VAV3: variants seen among roughly 807,000 people sequenced by gnomAD.
VAV3 encodes the protein guanine nucleotide exchange factor VAV3.
VAV3 carries 94 observed loss-of-function variants against 131.2 expected under a neutral mutation model. The observed-to-expected ratio is 0.72, with a 90% CI of 0.61 to 0.85. VAV3 has a LOEUF of 0.85. Among genes scored for constraint, VAV3 ranks in the 40% least tolerant of loss-of-function variants. The pLI, the probability that VAV3 is intolerant of heterozygous loss-of-function variation, is 0.00. For synonymous variants in VAV3, 349 were observed against 342.0 expected (o/e 1.02, Z -0.22); for missense variants, 939 against 1,002.7 (o/e 0.94, Z 0.86).
chr1:107,701,061 GC>G (rs899964051), intron 17 of VAV3, among the ~76,000 whole-genome samples: 13 of 101,936 alleles, frequency 1.3e-4, no homozygotes, highest in African/African-American at 3.8e-4. Flanking sequence ...GTCATGTTGA[GC>G]TTTTTTTTTC....
intron 1 of VAV3, among the ~76,000 whole-genome samples, chr1:107,934,162 G>C (rs1172786885): frequency 6.6e-6 from 1 of 152,116 alleles, no homozygotes; most frequent in Non-Finnish European, 1.5e-5. Flanking sequence ...AGAACTCTAT[G>C]GTTTATTCTT....
At chr1:107,695,496 T>C (rs906607326) in intron 17 of VAV3, among the ~76,000 whole-genome samples, 9 of 152,064 alleles carry the variant, frequency 5.9e-5, no homozygotes, top group Non-Finnish European at 8.8e-5. Flanking sequence ...ATGTGAGTGT[T>C]TGGATGGTGG....
intron 2 of VAV3, among the ~76,000 whole-genome samples, chr1:107,820,214 C>A (rs1423140928): frequency 6.6e-6 from 1 of 152,106 alleles, no homozygotes; most frequent in African/African-American, 2.4e-5. Context: ...ACCTAAATGT[C>A]CATCAGCAGA....
At chr1:107,898,650 C>T (rs569570862) in intron 1 of VAV3, among the ~76,000 whole-genome samples, 1 of 152,246 alleles carries the variant, frequency 6.6e-6, no homozygotes, top group South Asian at 2.1e-4. Flanking sequence ...TGTTTTATTA[C>T]ACTTAATGAC....
chr1:107,849,491 T>C (rs993411378), intron 2 of VAV3, among the ~76,000 whole-genome samples: 2 of 152,126 alleles, frequency 1.3e-5, no homozygotes, highest in Non-Finnish European at 2.9e-5. Context: ...GGATTCCCTA[T>C]TTAATAAATG....
chr1:107,841,326 A>T lies in VAV3; in HGVS notation c.321+33575T>A, dbSNP rs538083367. Among the ~76,000 whole-genome samples, 15 of 152,290 alleles carry T rather than the reference A, an allele frequency of 9.8e-5. No homozygotes were observed. The East Asian group carries it at 2.9e-3, about 29-fold the overall frequency. ...AAAAAGAAACAATTTTAAAAGTATA[A>T]ATGGTATATCAGCTGTAATAAGAAA... is the stretch of plus-strand genomic sequence containing the variant. On this transcript the variant is annotated intron_variant, in intron 2 of 26. Coordinates refer to ENST00000370056, the MANE Select transcript of VAV3 (RefSeq NM_006113.5).
At chr1:107,845,634 C>T (rs537143431) in intron 2 of VAV3, among the ~76,000 whole-genome samples, 3 of 151,914 alleles carry the variant, frequency 2.0e-5, no homozygotes, top group South Asian at 2.1e-4. Context: ...AAACACAGCA[C>T]GAGAACTTCA....
At chr1:107,819,144 AC>A (rs1667684559) in intron 2 of VAV3, among the ~76,000 whole-genome samples, 1 of 152,174 alleles carries the variant, frequency 6.6e-6, no homozygotes. Flanking sequence ...CCTCCAGGAA[AC>A]CAAGTATTTT....
chr1:107,699,387 T>C (rs1659949740), intron 17 of VAV3, among the ~76,000 whole-genome samples: 1 of 152,224 alleles, frequency 6.6e-6, no homozygotes, highest in Non-Finnish European at 1.5e-5. Context: ...GCACCCAGGG[T>C]CTTGGGCAGC....
chr1:107,947,685 C>A (rs1040299214), intron 1 of VAV3, among the ~76,000 whole-genome samples: 1 of 152,192 alleles, frequency 6.6e-6, no homozygotes, highest in African/African-American at 2.4e-5. Context: ...ATGCTAAAGT[C>A]CATATTCTTT....
chr1:107,828,092 G>A (rs1255207839), intron 2 of VAV3, among the ~76,000 whole-genome samples: 1 of 152,162 alleles, frequency 6.6e-6, no homozygotes, highest in Non-Finnish European at 1.5e-5. Context: ...GTTTTGGTGA[G>A]TGAATTTGAA....
chr1:107,803,406 G>A (rs1423068431), intron 2 of VAV3, among the ~76,000 whole-genome samples: 1 of 151,892 alleles, frequency 6.6e-6, no homozygotes, highest in African/African-American at 2.4e-5. Flanking sequence ...TTCCCTCTCA[G>A]TACTGCTGTT....
At chr1:107,828,720 A>AT (rs1394172678) in intron 2 of VAV3, among the ~76,000 whole-genome samples, 4 of 152,136 alleles carry the variant, frequency 2.6e-5, no homozygotes, top group Non-Finnish European at 2.9e-5. Context: ...GACCCATATG[A>AT]TTACATTGGG....
chr1:107,711,693 A>G (rs984721701), intron 15 of VAV3, among the ~76,000 whole-genome samples: 1 of 152,220 alleles, frequency 6.6e-6, no homozygotes, highest in Non-Finnish European at 1.5e-5. Flanking sequence ...AAATGCATTC[A>G]ATAAATTCGT....
intron 15 of VAV3, among the ~76,000 whole-genome samples, chr1:107,745,009 A>C (rs1289719719): frequency 6.6e-6 from 1 of 152,250 alleles, no homozygotes; most frequent in Non-Finnish European, 1.5e-5. Flanking sequence ...TCATAAAAGC[A>C]CAATGGATAT....
In VAV3 at chr1:107,585,567, C is replaced by T. The variant is rs190514821; in HGVS notation, c.2350+10645G>A. Among the ~76,000 whole-genome samples, 287 of 152,232 alleles carry T rather than the reference C, an allele frequency of 1.9e-3. 1 individual carries two copies. The highest frequency in any genetic ancestry group is 1.5e-3 in the Non-Finnish European group (103 of 68,010). On this transcript the variant is annotated intron_variant, in intron 25 of 26. Coordinates refer to ENST00000370056, the MANE Select transcript of VAV3 (RefSeq NM_006113.5). ...CTTCCTCTTGGTCCTTCTGCTCTGG[C>T]CACATTGCCCAGTCAGACATACCCC...
At chr1:107,832,469 C>A (rs979616567) in intron 2 of VAV3, among the ~76,000 whole-genome samples, 1 of 152,206 alleles carries the variant, frequency 6.6e-6, no homozygotes, top group Non-Finnish European at 1.5e-5. Flanking sequence ...TCACAGCAAT[C>A]CAAAAGGCAG....
chr1:107,573,271 A>C lies in VAV3; in HGVS notation c.*60T>G. ...CTTCAGTTAATTCACGATGCTGTGC[A>C]GGCTTCTATTTATCCCTTCTCTGAA... is the stretch of plus-strand genomic sequence containing the variant. On this transcript the variant is annotated 3_prime_UTR_variant, in exon 27 of 27. Transcript: ENST00000370056. The C allele has an allele frequency of 6.3e-7, 1 of 1,584,576 alleles. No individual in the cohort carries two copies. Among genetic ancestry groups the C allele is most frequent in the East Asian group, 2.2e-5 (1 of 44,754 alleles).
intron 2 of VAV3, among the ~76,000 whole-genome samples, chr1:107,828,904 C>T (rs1024262765): frequency 6.6e-6 from 1 of 150,636 alleles, no homozygotes; most frequent in African/African-American, 2.4e-5. Flanking sequence ...AAAACATCAA[C>T]TTACCTCTGT....
Sources: allele counts gnomAD v4.1 joint callset (sites outside exome capture counted in the v4.1 genomes callset), GRCh38; gene constraint gnomAD v4.1.1; transcripts MANE v1.5; gene names NCBI Gene and HGNC (gene_info 2026-07-23, HGNC 2026-07-21).